Variants in MCTP1 observed in about 807,000 individuals in gnomAD.
MCTP1 encodes multiple C2 and transmembrane domain-containing protein 1.
A neutral mutation model predicts 120.6 loss-of-function variants in MCTP1; 69 were observed. The observed-to-expected ratio is 0.57, with a 90% confidence interval of 0.47 to 0.70. MCTP1 has a LOEUF of 0.70. Ranked by LOEUF, MCTP1 falls within the 30% of genes least tolerant of loss-of-function variation. The probability of loss-of-function intolerance (pLI) is 0.00; values close to 1 mark genes in which losing one functional copy is unlikely to be tolerated. For missense variants in MCTP1, 1,203 were observed against 1,248.8 expected (o/e 0.96, Z 0.55); for synonymous variants, 529 against 493.1 (o/e 1.07, Z -0.96).
At chr5:94,891,159 A>C in intron 11 of MCTP1, among the ~76,000 whole-genome samples, 1 of 151,818 alleles carries the variant, frequency 6.6e-6, no homozygotes. Flanking sequence ...TTTTTATAAG[A>C]GTGTTTAGCA....
chr5:95,187,413 G>A lies in MCTP1; in HGVS notation c.720+96443C>T, dbSNP rs113975837. Among the ~76,000 whole-genome samples the A allele has an allele frequency of 6.6e-3, 1,008 of 152,078 alleles. 7 individuals are homozygous for A. The highest frequency in any genetic ancestry group is 0.024 in the African/African-American group (976 of 41,526). On this transcript the variant is annotated intron_variant, in intron 1 of 22. Coordinates refer to ENST00000515393, the MANE Select transcript of MCTP1 (RefSeq NM_024717.7). ...GCTCAAATCAAGTTTTTTTGTTTTT[G>A]TTTTGAGATGGAGTCTTGCTCTGTT...
intron 1 of MCTP1, among the ~76,000 whole-genome samples, chr5:95,057,385 T>C (rs1342603091): frequency 6.6e-6 from 1 of 152,226 alleles, no homozygotes; most frequent in Non-Finnish European, 1.5e-5. Flanking sequence ...TCATTTGGAA[T>C]CATAAAGGCC....
chr5:95,202,775 T>C (rs1197769431), intron 1 of MCTP1, among the ~76,000 whole-genome samples: 3 of 152,186 alleles, frequency 2.0e-5, no homozygotes, highest in Admixed American at 1.3e-4. Flanking sequence ...TTGCCCAGGC[T>C]GGAGTGCAGT....
intron 1 of MCTP1, among the ~76,000 whole-genome samples, chr5:95,065,222 T>C (rs1750348072): frequency 6.6e-6 from 1 of 151,922 alleles, no homozygotes; most frequent in South Asian, 2.1e-4. Context: ...TTCAAAATTA[T>C]ACAAATTATT....
At chr5:95,022,468 A>G (rs1274898441) in intron 1 of MCTP1, among the ~76,000 whole-genome samples, 2 of 152,166 alleles carry the variant, frequency 1.3e-5, no homozygotes, top group African/African-American at 4.8e-5. Flanking sequence ...CCATTACCAC[A>G]TTCTATCTCA....
chr5:94,797,294 CT>C (rs531539738), intron 18 of MCTP1, among the ~76,000 whole-genome samples: 87 of 152,204 alleles, frequency 5.7e-4, no homozygotes, highest in Non-Finnish European at 1.1e-3. Flanking sequence ...TAAGCCCCCC[CT>C]CATAGAATTA....
intron 1 of MCTP1, among the ~76,000 whole-genome samples, chr5:95,095,142 G>C (rs1354483083): frequency 7.1e-6 from 1 of 141,032 alleles, no homozygotes; most frequent in African/African-American, 2.6e-5. Context: ...TCCTGCCTCA[G>C]CCTCCCGAGT....
At chr5:94,721,937 A>G (rs1352988376) in intron 19 of MCTP1, among the ~76,000 whole-genome samples, 1 of 151,426 alleles carries the variant, frequency 6.6e-6, no homozygotes, top group Non-Finnish European at 1.5e-5. Flanking sequence ...ATCTGAGAAT[A>G]TGTGAGATTT....
At chr5:94,872,204 T>C (rs1418706934) in intron 13 of MCTP1, among the ~76,000 whole-genome samples, 4 of 152,130 alleles carry the variant, frequency 2.6e-5, no homozygotes, top group Non-Finnish European at 1.5e-5. Flanking sequence ...ATTGCAACCA[T>C]ATGTGAGGAG....
intron 2 of MCTP1, among the ~76,000 whole-genome samples, chr5:94,997,969 C>G (rs1416126037): frequency 3.3e-5 from 5 of 151,926 alleles, no homozygotes; most frequent in Non-Finnish European, 1.5e-5. Context: ...TTTAAAGAAG[C>G]TTATGTATTA....
At chr5:95,276,790 A>G (rs1448743356) in intron 1 of MCTP1, among the ~76,000 whole-genome samples, 2 of 151,708 alleles carry the variant, frequency 1.3e-5, no homozygotes, top group African/African-American at 4.8e-5. Context: ...GTCTCCACTA[A>G]TAACACAAAA....
chr5:95,167,361 A>G (rs1276159391), intron 1 of MCTP1, among the ~76,000 whole-genome samples: 3 of 152,224 alleles, frequency 2.0e-5, no homozygotes, highest in Non-Finnish European at 2.9e-5. Flanking sequence ...GAATGCTGCA[A>G]TAAACATACA....
intron 1 of MCTP1, among the ~76,000 whole-genome samples, chr5:95,274,506 T>C (rs1038047263): frequency 6.6e-6 from 1 of 152,184 alleles, no homozygotes; most frequent in African/African-American, 2.4e-5. Context: ...CTTTCTCCTT[T>C]ATCTTTGACC....
At chr5:95,263,923 T>C (rs1758679020) in intron 1 of MCTP1, among the ~76,000 whole-genome samples, 1 of 152,194 alleles carries the variant, frequency 6.6e-6, no homozygotes, top group African/African-American at 2.4e-5. Context: ...GCAACTCTCC[T>C]AGGCCATTCT....
chr5:95,264,394 C>A (rs1758716808), intron 1 of MCTP1, among the ~76,000 whole-genome samples: 1 of 152,288 alleles, frequency 6.6e-6, no homozygotes, highest in African/African-American at 2.4e-5. Flanking sequence ...ATTCCATACT[C>A]TATGCTCGTT....
At chr5:94,861,908 G>A (rs1561765417) in intron 17 of MCTP1, among the ~76,000 whole-genome samples, 1 of 151,788 alleles carries the variant, frequency 6.6e-6, no homozygotes, top group African/African-American at 2.4e-5. Flanking sequence ...TTGAAGTGAA[G>A]TGGGGCAGCA....
intron 2 of MCTP1, among the ~76,000 whole-genome samples, chr5:94,971,061 G>A (rs1384177786): frequency 6.6e-6 from 1 of 152,054 alleles, no homozygotes; most frequent in East Asian, 1.9e-4. Flanking sequence ...TAGCCAAAGA[G>A]TTAGTTGTGT....
At chr5:94,889,080 A>C in intron 11 of MCTP1, 108 bp from the exon 12 acceptor site, 1 of 701,138 alleles carries the variant, frequency 1.4e-6, no homozygotes. Context: ...TCTGGGGGTA[A>C]GAAGATCAAC....
chr5:95,043,694 T>C (rs531185665), intron 1 of MCTP1, among the ~76,000 whole-genome samples: 1 of 152,216 alleles, frequency 6.6e-6, no homozygotes, highest in Non-Finnish European at 1.5e-5. Context: ...CTGTCTTTCC[T>C]GTCTATTTGC....
Sources: allele counts gnomAD v4.1 joint callset (sites outside exome capture counted in the v4.1 genomes callset), GRCh38; gene constraint gnomAD v4.1.1; transcripts MANE v1.5; gene names NCBI Gene and HGNC (gene_info 2026-07-23, HGNC 2026-07-21).